FBXL17: variants seen among roughly 807,000 people sequenced by gnomAD.
FBXL17 encodes the protein F-box and leucine rich repeat protein 17, also known as F-box/LRR-repeat protein 17.
In FBXL17, 22 loss-of-function variants were observed where a neutral mutation model predicts 66.2. The observed-to-expected ratio is 0.33, with a 90% CI of 0.24 to 0.47. The LOEUF (loss-of-function observed/expected upper bound fraction) is 0.47, where lower values mean the gene tolerates loss of function less well. Among genes scored for constraint, FBXL17 ranks in the 20% least tolerant of loss-of-function variants. FBXL17 has a pLI of 1.00. For synonymous variants in FBXL17, 474 were observed against 400.5 expected (o/e 1.18, Z -2.19); for missense variants, 878 against 948.2 (o/e 0.93, Z 0.97).
intron 6 of FBXL17, among the ~76,000 whole-genome samples, chr5:108,038,126 A>G (rs1411343363): frequency 6.6e-6 from 1 of 152,220 alleles, no homozygotes; most frequent in Non-Finnish European, 1.5e-5. Context: ...GTTATTTAAA[A>G]AGACCTAAGA....
intron 4 of FBXL17, among the ~76,000 whole-genome samples, chr5:108,282,149 T>C (rs576791481): frequency 6.6e-6 from 1 of 151,908 alleles, no homozygotes. Flanking sequence ...TTGAGGAGGA[T>C]GGAATTCTCC....
At chr5:108,250,180 T>A (rs542720727) in intron 4 of FBXL17, among the ~76,000 whole-genome samples, 5 of 152,270 alleles carry the variant, frequency 3.3e-5, no homozygotes, top group Non-Finnish European at 4.4e-5. Flanking sequence ...TTTTGATGAA[T>A]GCTACAGCAA....
At chr5:108,270,535 T>C (rs1314143705) in intron 4 of FBXL17, among the ~76,000 whole-genome samples, 2 of 139,526 alleles carry the variant, frequency 1.4e-5, no homozygotes, top group South Asian at 2.2e-4. Context: ...CTTAGGTTAA[T>C]AAAAAAAAAA....
chr5:108,151,203 G>A (rs918918325), intron 6 of FBXL17, among the ~76,000 whole-genome samples: 2 of 151,818 alleles, frequency 1.3e-5, no homozygotes, highest in South Asian at 2.1e-4. Flanking sequence ...TTGCTTCACG[G>A]CTCCTATATA....
chr5:108,317,809 T>C (rs572476559), intron 4 of FBXL17, among the ~76,000 whole-genome samples: 2 of 151,638 alleles, frequency 1.3e-5, no homozygotes, highest in Non-Finnish European at 3.0e-5. Flanking sequence ...CAGTATTCTT[T>C]AGTGTAAAAG....
chr5:107,894,808 T>C (rs1275495413), intron 7 of FBXL17, among the ~76,000 whole-genome samples: 1 of 152,116 alleles, frequency 6.6e-6, no homozygotes, highest in Non-Finnish European at 1.5e-5. Context: ...ATTGCAACTA[T>C]AAGAATCAGA....
At chr5:108,208,317 T>G (rs1754216298) in intron 5 of FBXL17, among the ~76,000 whole-genome samples, 1 of 152,238 alleles carries the variant, frequency 6.6e-6, no homozygotes, top group Admixed American at 6.5e-5. Flanking sequence ...TTAGTTTAAT[T>G]AAATCCCATT....
intron 7 of FBXL17, among the ~76,000 whole-genome samples, chr5:107,989,919 G>GA (rs2112689812): frequency 6.6e-6 from 1 of 152,274 alleles, no homozygotes; most frequent in Non-Finnish European, 1.5e-5. Context: ...ACTTCTACAT[G>GA]AAAAGGACCA....
At chr5:108,358,207 G>A (rs1035582060) in intron 3 of FBXL17, among the ~76,000 whole-genome samples, 1 of 152,036 alleles carries the variant, frequency 6.6e-6, no homozygotes, top group Non-Finnish European at 1.5e-5. Context: ...AGAACTTTCA[G>A]CACAATGTAA....
At chr5:107,903,776 C>T (rs555810679) in intron 7 of FBXL17, among the ~76,000 whole-genome samples, 2 of 152,236 alleles carry the variant, frequency 1.3e-5, no homozygotes, top group African/African-American at 4.8e-5. Flanking sequence ...AGAAACCATC[C>T]TAACACAAAA....
chr5:108,231,378 C>T (rs1024361009), intron 4 of FBXL17, among the ~76,000 whole-genome samples: 4 of 152,114 alleles, frequency 2.6e-5, no homozygotes, highest in Admixed American at 2.0e-4. Flanking sequence ...TATCTCTATA[C>T]TTTTACCTTT....
At chr5:108,062,578 A>T (rs1165505369) in intron 6 of FBXL17, among the ~76,000 whole-genome samples, 2 of 152,204 alleles carry the variant, frequency 1.3e-5, no homozygotes, top group East Asian at 3.8e-4. Flanking sequence ...TGAATTCTAC[A>T]CTATAGGAAA....
chr5:107,973,610 G>C (rs1752465724), intron 7 of FBXL17, among the ~76,000 whole-genome samples: 1 of 151,850 alleles, frequency 6.6e-6, no homozygotes, highest in Admixed American at 6.6e-5. Flanking sequence ...TTTGAAATGT[G>C]ATTTATATAA....
chr5:108,161,107 G>A (rs1289081471), intron 6 of FBXL17, among the ~76,000 whole-genome samples: 1 of 152,074 alleles, frequency 6.6e-6, no homozygotes, highest in Non-Finnish European at 1.5e-5. Flanking sequence ...AGCCTGTTAA[G>A]AGAGTCCCGG....
chr5:108,083,373 T>C (rs933263049), intron 6 of FBXL17, among the ~76,000 whole-genome samples: 3 of 152,160 alleles, frequency 2.0e-5, no homozygotes, highest in Non-Finnish European at 2.9e-5. Context: ...CTCTAGGGTT[T>C]TCCAACTTGT....
At chr5:108,081,334 G>C (rs1748753753) in intron 6 of FBXL17, among the ~76,000 whole-genome samples, 1 of 152,118 alleles carries the variant, frequency 6.6e-6, no homozygotes. Flanking sequence ...TGGTTGGGGA[G>C]CCTGGAATTT....
intron 4 of FBXL17, among the ~76,000 whole-genome samples, chr5:108,316,967 TATCA>T (rs1158313966): frequency 6.6e-6 from 1 of 151,288 alleles, no homozygotes; most frequent in Non-Finnish European, 1.5e-5. Flanking sequence ...ACTGTGTATT[TATCA>T]ATCTGTATAT....
At chr5:108,039,550 C>T (rs1163843587) in intron 6 of FBXL17, among the ~76,000 whole-genome samples, 1 of 151,872 alleles carries the variant, frequency 6.6e-6, no homozygotes, top group African/African-American at 2.4e-5. Context: ...AAAATAAATG[C>T]CTAAAATAAA....
In FBXL17 at chr5:107,859,388, C is replaced by CTT. The variant is rs1748057634; in HGVS notation, c.*2331_*2332insAA. The CTT allele has an allele frequency of 1.5e-5, 1 of 68,462 alleles. No homozygotes were observed. The highest frequency in any genetic ancestry group is 3.0e-5 in the Non-Finnish European group (1 of 33,102). 4.2% of individuals were successfully genotyped at this position (68,462 alleles called of 1,614,324 possible). Reference sequence around the variant, plus strand: ...CACTCAAGGTGATGCTTTTTTCTGGCTGTTTTTTTTTTTTTTTTTTTTTTT... The same window carrying CTT: ...CACTCAAGGTGATGCTTTTTTCTGGCTTTGTTTTTTTTTTTTTTTTTTTTTTT... On this transcript the variant is annotated 3_prime_UTR_variant, in exon 9 of 9. Coordinates refer to ENST00000542267, the MANE Select transcript of FBXL17 (RefSeq NM_001163315.3).
Sources: gnomAD v4.1 joint callset for allele counts (sites outside exome capture counted in the v4.1 genomes callset) on GRCh38, gnomAD v4.1.1 for gene constraint, MANE v1.5 for transcripts, NCBI Gene and HGNC (gene_info 2026-07-23, HGNC 2026-07-21) for gene names.